Variants in IL2RG observed in about 807,000 individuals in gnomAD.
IL2RG encodes the protein cytokine receptor common subunit gamma.
For missense variants in IL2RG, 205 were observed against 272.9 expected, an observed-to-expected ratio of 0.75 and a Z score of 1.75; for synonymous variants, 111 against 108.5, an observed-to-expected ratio of 1.02 and a Z score of -0.15.
Position 71,108,355 on chromosome X carries a change from G to A in IL2RG, c.855-9C>T, listed in dbSNP as rs764935731. 3 of 1,134,351 alleles carry A rather than the reference G, an allele frequency of 2.6e-6. No individual in the cohort carries two copies. The highest frequency in any genetic ancestry group is 3.6e-6 in the Non-Finnish European group (3 of 826,325). 93.5% of individuals were successfully genotyped at this position (1,134,351 alleles called of 1,213,427 possible). The stretch of plus-strand genomic sequence containing the variant: ...GAATTCGGGGCATCGTCCTGACAGG[G>A]GAGAAAGAGGGAGCAGGAGCACATA... On this transcript the variant is annotated splice_polypyrimidine_tract_variant and intron_variant, in intron 6 of 7. Transcript: ENST00000374202.
chrX:71,109,931 A>C (rs1173139116), intron 4 of IL2RG, among the ~76,000 whole-genome samples: 1 of 75,125 alleles, frequency 1.3e-5, no homozygotes, highest in Non-Finnish European at 2.4e-5. Flanking sequence ...CTCTGTCTCA[A>C]AAAAAAAAAA....
chrX:71,109,141 A>T, intron 5 of IL2RG, 87 bp downstream of exon 5: 1 of 951,437 alleles, frequency 1.1e-6, no homozygotes, highest in Admixed American at 2.2e-5. Context: ...TAGGGGCTTT[A>T]GTGACAGGGA....
chrX:71,108,760 T>C (rs2092256964), intron 5 of IL2RG, 65 bp from the exon 6 acceptor site: 13 of 740,187 alleles, frequency 1.8e-5, no homozygotes, highest in South Asian at 2.3e-5. Context: ...TGCCAGGCAC[T>C]GGTGCCAGGC....
rs758742212 is a variant in IL2RG at position 71,111,462 on chromosome X, TGTC to T, written c.75_77del (p.Thr26del). The T allele has an allele frequency of 1.7e-6, 2 of 1,208,678 alleles. No individual in the cohort carries two copies. The highest frequency in any genetic ancestry group is 3.5e-5 in the African/African-American group (2 of 56,866). On this transcript the variant is annotated inframe_deletion, in exon 1 of 8. Transcript: ENST00000374202. ...CTTCATTCCCATTGGGCGTCAGAATTGTCGTGTTCAGCCCCACTCCCAGCAGGG... is the reference window on the plus strand; with the variant it reads ...CTTCATTCCCATTGGGCGTCAGAATTGTGTTCAGCCCCACTCCCAGCAGGG...
intron 7 of IL2RG, 85 bp from the exon 8 acceptor site, chrX:71,108,006 G>A: frequency 2.6e-6 from 2 of 756,637 alleles, no homozygotes; most frequent in East Asian, 6.6e-5. Flanking sequence ...TACTCATGAT[G>A]TCTGCAACCA....
In IL2RG at chrX:71,108,709, A is replaced by G. The variant is rs2092256711; in HGVS notation, c.758-14T>C. On this transcript the variant is annotated splice_polypyrimidine_tract_variant and intron_variant, in intron 5 of 7. Transcript: ENST00000374202. Reference sequence around the variant, plus strand: ...GGAAAGGATTCTCTATAGAAAAAAGAAAAGCAAAGTGGACCTTATATTTGT... The same window carrying G: ...GGAAAGGATTCTCTATAGAAAAAAGGAAAGCAAAGTGGACCTTATATTTGT... 9.1e-7 allele frequency: 1 copy of G among 1,096,460 alleles called. No homozygotes were observed. Among genetic ancestry groups the G allele is most frequent in the African/African-American group, 1.8e-5 (1 of 54,919 alleles). The allele number at this position is 1,096,460 out of a possible 1,213,427, so 90.4% of individuals were successfully genotyped here. A position where few individuals can be genotyped will look rare whatever the true frequency, so the allele number is the denominator to read the frequency against.
At chrX:71,108,547 G>T in intron 6 of IL2RG, 52 bp downstream of exon 6, 1 of 905,087 alleles carries the variant, frequency 1.1e-6, no homozygotes, top group Non-Finnish European at 1.6e-6. Flanking sequence ...ACCCTCCTCT[G>T]CTATTGTCAG....
intron 5 of IL2RG, 49 bp from the exon 6 acceptor site, chrX:71,108,744 A>G: frequency 1.1e-6 from 1 of 871,334 alleles, no homozygotes; most frequent in Non-Finnish European, 1.7e-6. Context: ...TTGTGCCCCT[A>G]CTACATGCCA....
chrX:71,110,356 G>A (rs2092260889), intron 3 of IL2RG, 61 bp from the exon 4 acceptor site: 3 of 1,150,794 alleles, frequency 2.6e-6, no homozygotes, highest in Non-Finnish European at 1.2e-6. Context: ...GATCCTGAAG[G>A]TAGTGCCCCT....
At position 71,110,603 on chromosome X, in the gene IL2RG, T is replaced by G. The variant is rs137852507; in HGVS notation, c.355A>C (p.Lys119Gln). 1 of 1,209,282 alleles carries G rather than the reference T, an allele frequency of 8.3e-7. No homozygotes were observed. The highest frequency in any genetic ancestry group is 1.8e-5 in the South Asian group (1 of 56,922). Residue 119 changes from lysine to glutamine, a missense_variant, in exon 3 of 8, where the codon AAA becomes CAA. Transcript: ENST00000374202. ...GTTTGGTAGAGGTGGATCTCCTTTTTTTGCAACTGACAGCCAGAAGTGATT... is the reference window on the plus strand; with the variant it reads ...GTTTGGTAGAGGTGGATCTCCTTTTGTTGCAACTGACAGCCAGAAGTGATT... ...EEITSGCQLQKKEIHLYQTFV... is the reference protein window; with the variant it reads ...EEITSGCQLQQKEIHLYQTFV...
chrX:71,108,495 ATTAC>A (rs2092256046), intron 6 of IL2RG, 100 bp downstream of exon 6: 9 of 704,487 alleles, frequency 1.3e-5, no homozygotes, highest in South Asian at 2.3e-5. Context: ...GTAATCTCTC[ATTAC>A]TTACTGTCTC....
rs754007832 is a variant in IL2RG at position 71,110,215 on chromosome X, A to G, written c.535T>C (p.Leu179=). The G allele has an allele frequency of 8.3e-7, 1 of 1,210,791 alleles. No homozygotes were observed. The highest frequency in any genetic ancestry group is 1.8e-5 in the South Asian group (1 of 56,971). The stretch of plus-strand genomic sequence containing the variant: ...ACCAAGTGCTCCAAACAGTGGTTCA[A>G]GAATCTGTTGTTCCAGTTCAGTTCT... ...QLELNWNNRF[L]NHCLEHLVQY... is the part of the protein sequence containing the mutation. Residue 179 remains leucine (L), a synonymous_variant, in exon 4 of 8, where the codon TTG becomes CTG. Transcript: ENST00000374202.
chrX:71,107,770 G>A lies in IL2RG; in HGVS notation c.1076C>T (p.Ala359Val), dbSNP rs767383120. ...SPCNQHSPYW[A>V]PPCYTLKPET is the part of the protein sequence containing the mutation. The stretch of plus-strand genomic sequence containing the variant: ...AGGCTTTAGGGTGTAACATGGGGGG[G>A]CCCAGTAGGGGCTATGCTGGTTGCA... Residue 359 changes from alanine (A) to valine (V), a missense_variant, in exon 8 of 8, where the codon GCC (alanine) becomes GTC (valine). Coordinates refer to ENST00000374202, the MANE Select transcript of IL2RG (RefSeq NM_000206.3). 1.1e-4 allele frequency: 129 copies of A among 1,152,080 alleles called. No homozygotes were observed. Among genetic ancestry groups the A allele is most frequent in the Non-Finnish European group, 1.5e-4 (126 of 867,358 alleles). The allele number at this position is 1,152,080 out of a possible 1,213,427, so 94.9% of individuals were successfully genotyped here. A position where few individuals can be genotyped will look rare whatever the true frequency, so the allele number is the denominator to read the frequency against.
Position 71,107,871 on chromosome X carries a change from G to A in IL2RG, c.975C>T (p.Tyr325=), listed in dbSNP as rs755664130. The A allele has an allele frequency of 7.5e-6, 9 of 1,206,611 alleles. No individual in the cohort carries two copies. The Admixed American group carries it at 8.8e-5, about 12-fold the overall frequency. Reference sequence around the variant, plus strand: ...CACTGACGAGGCAGAGTCGTTCACTGTAGTCTGGCTGCAGACTCTCAGCCA... The same window carrying A: ...CACTGACGAGGCAGAGTCGTTCACTATAGTCTGGCTGCAGACTCTCAGCCA... The part of the protein sequence containing the change: ...KGLAESLQPD[Y]SERLCLVSEI... The change falls in exon 8 of 8, where the codon TAC becomes TAT. Residue 325 remains tyrosine, a synonymous_variant. Transcript: ENST00000374202.
At chrX:71,110,478 C>T (rs765290218) in intron 3 of IL2RG, 26 bp downstream of exon 3, 2 of 1,194,553 alleles carry the variant, frequency 1.7e-6, no homozygotes, top group East Asian at 5.9e-5. Flanking sequence ...TATCCCTGGT[C>T]TCTTGACCCT....
rs959572366 is a variant in IL2RG, at chrX:71,110,414, C to T, written c.454+90G>A. On this transcript the variant is annotated intron_variant, in intron 3 of 7. Transcript: ENST00000374202. Reference sequence around the variant, plus strand: ...TGATCCCCTACCTCCTCTTTTCTGCCCATGTACCCTTATGATAAAAGAACA... The same window carrying T: ...TGATCCCCTACCTCCTCTTTTCTGCTCATGTACCCTTATGATAAAAGAACA... The T allele has an allele frequency of 5.4e-6, 6 of 1,104,913 alleles. No homozygotes were observed. In the African/African-American group the frequency reaches 1.1e-4, roughly 20 times the overall value. The allele number at this position is 1,104,913 out of a possible 1,213,427, so 91.1% of individuals were successfully genotyped here. A position where few individuals can be genotyped will look rare whatever the true frequency, so the allele number is the denominator to read the frequency against.
intron 5 of IL2RG, 118 bp downstream of exon 5, chrX:71,109,109 TG>T: frequency 1.4e-6 from 1 of 710,196 alleles, no homozygotes; most frequent in Non-Finnish European, 2.2e-6. Context: ...TTAGACAGTG[TG>T]GAGAGATGGG....
Position 71,109,208 on chromosome X carries a change from G to C in IL2RG, c.757+20C>G. 1 of 1,205,312 alleles carries C rather than the reference G, an allele frequency of 8.3e-7. No individual in the cohort carries two copies. On this transcript the variant is annotated intron_variant, in intron 5 of 7. Transcript: ENST00000374202. The stretch of plus-strand genomic sequence containing the variant: ...CTGGGGTGTTGGGCTCATGGATTGG[G>C]TCATGTGGGCCCATTTTACCTTTTG...
At position 71,109,166 on chromosome X, in the gene IL2RG, C is replaced by T. The variant is rs1043873195; in HGVS notation, c.757+62G>A. The T allele has an allele frequency of 1.1e-5, 12 of 1,098,284 alleles. No homozygotes were observed. In the South Asian group the frequency reaches 1.8e-4, roughly 17 times the overall value. 90.5% of individuals were successfully genotyped at this position (1,098,284 alleles called of 1,213,427 possible). On this transcript the variant is annotated intron_variant, in intron 5 of 7. Transcript: ENST00000374202. Reference sequence around the variant, plus strand: ...AGTGACAGGGAAGTGGAGCAAAAGACAGTGGTGTTAGAAAGGCTGGGGTGT... The same window carrying T: ...AGTGACAGGGAAGTGGAGCAAAAGATAGTGGTGTTAGAAAGGCTGGGGTGT...
Sources: allele counts gnomAD v4.1 joint callset (sites outside exome capture counted in the v4.1 genomes callset), GRCh38; gene constraint gnomAD v4.1.1; transcripts MANE v1.5; gene names NCBI Gene and HGNC (gene_info 2026-07-23, HGNC 2026-07-21).